GAS7: variants seen among roughly 807,000 people sequenced by gnomAD.
The protein encoded by GAS7 is growth arrest-specific protein 7.
In GAS7, 28 loss-of-function variants were observed where a neutral mutation model predicts 71.1. The observed-to-expected ratio is 0.39, with a 90% CI of 0.29 to 0.54. GAS7 has a LOEUF of 0.54. Among genes scored for constraint, GAS7 ranks in the 20% least tolerant of loss-of-function variants. The pLI is 0.62. For synonymous variants in GAS7, 258 were observed against 245.8 expected (o/e 1.05, Z -0.46); for missense variants, 436 against 627.8 (o/e 0.69, Z 3.27).
At chr17:10,028,641 C>T (rs1310793272) in intron 1 of GAS7, among the ~76,000 whole-genome samples, 1 of 142,686 alleles carries the variant, frequency 7.0e-6, no homozygotes, top group Non-Finnish European at 1.5e-5. Context: ...GATACAAGAA[C>T]AAAAACTCAT....
intron 1 of GAS7, among the ~76,000 whole-genome samples, chr17:10,023,893 G>A (rs1321113738): frequency 6.6e-6 from 1 of 152,230 alleles, no homozygotes; most frequent in East Asian, 1.9e-4. Context: ...GGAGGCCAAG[G>A]TGGGTGGATT....
chr17:9,937,554 C>G (rs2068446158), intron 8 of GAS7, among the ~76,000 whole-genome samples: 1 of 152,228 alleles, frequency 6.6e-6, no homozygotes, highest in Non-Finnish European at 1.5e-5. Flanking sequence ...GGAAGGGACG[C>G]TGGTCTTGCT....
chr17:10,168,897 G>A (rs1225704990), intron 1 of GAS7, among the ~76,000 whole-genome samples: 3 of 148,750 alleles, frequency 2.0e-5, no homozygotes, highest in African/African-American at 7.5e-5. Context: ...TTGAACATGG[G>A]AGGCAGAGCT....
chr17:10,031,413 A>G (rs1006782826), intron 1 of GAS7, among the ~76,000 whole-genome samples: 1 of 152,236 alleles, frequency 6.6e-6, no homozygotes, highest in African/African-American at 2.4e-5. Flanking sequence ...CAAGCTGGAA[A>G]TATGGAGTCT....
chr17:10,122,787 C>A (rs1275508549), intron 1 of GAS7, among the ~76,000 whole-genome samples: 3 of 152,028 alleles, frequency 2.0e-5, no homozygotes, highest in Non-Finnish European at 2.9e-5. Context: ...GGCTGGGAGA[C>A]CCCATGTTTA....
At chr17:10,031,809 C>A (rs773926960) in intron 1 of GAS7, among the ~76,000 whole-genome samples, 1 of 152,222 alleles carries the variant, frequency 6.6e-6, no homozygotes, top group Admixed American at 6.5e-5. Flanking sequence ...CGGCGCCATA[C>A]GGCATGATGG....
chr17:9,976,914 G>A (rs186841548), intron 3 of GAS7, among the ~76,000 whole-genome samples: 12 of 152,298 alleles, frequency 7.9e-5, no homozygotes, highest in African/African-American at 2.9e-4. Flanking sequence ...AGCCACAGAT[G>A]CCTATTTGAA....
At chr17:10,107,339 A>G (rs1313911212) in intron 1 of GAS7, among the ~76,000 whole-genome samples, 2 of 131,010 alleles carry the variant, frequency 1.5e-5, no homozygotes, top group Non-Finnish European at 3.3e-5. Flanking sequence ...AAGAGGCCAA[A>G]GACGAGACAC....
intron 1 of GAS7, among the ~76,000 whole-genome samples, chr17:10,048,483 A>T (rs2073013798): frequency 6.6e-6 from 1 of 152,184 alleles, no homozygotes; most frequent in South Asian, 2.1e-4. Context: ...TGTTTTGCTC[A>T]CTGCTCTATC....
Position 9,925,597 on chromosome 17 carries a change from G to C in GAS7, c.1017C>G (p.Ala339=). 1 of 1,614,136 alleles carries C rather than the reference G, an allele frequency of 6.2e-7. No individual in the cohort carries two copies. The highest frequency in any genetic ancestry group is 1.1e-5 in the South Asian group (1 of 91,076). Reference sequence around the variant, plus strand: ...TCTGCCGCTCTGTGAGGGCTTTCCGGGCCTGGGGTCCAAGGACACGGAGAA... The same window carrying C: ...TCTGCCGCTCTGTGAGGGCTTTCCGCGCCTGGGGTCCAAGGACACGGAGAA... ...LASRYASVEK[A]RKALTERQRD... The change falls in exon 11 of 14, where the codon GCC becomes GCG. Residue 339 remains alanine (A), a splice_region_variant and synonymous_variant. Coordinates refer to ENST00000432992, the MANE Select transcript of GAS7 (RefSeq NM_201433.2).
rs541161419 is a variant in GAS7 at position 10,006,955 on chromosome 17, T to C, written c.304+12822A>G. 2.6e-5 allele frequency among the ~76,000 whole-genome samples: 4 copies of C among 152,334 alleles called. No individual in the cohort carries two copies. The East Asian group carries it at 5.8e-4, about 22-fold the overall frequency. ...ATAGCTCCACCATGAGATTCTACAATTGTTTATGATTATATAACCTTTAAC... is the reference window on the plus strand; with the variant it reads ...ATAGCTCCACCATGAGATTCTACAACTGTTTATGATTATATAACCTTTAAC... On this transcript the variant is annotated intron_variant, in intron 2 of 13. Transcript: ENST00000432992.
chr17:9,986,092 G>A (rs182643079), intron 2 of GAS7, among the ~76,000 whole-genome samples: 97 of 152,238 alleles, frequency 6.4e-4, no homozygotes, highest in African/African-American at 2.2e-3. Flanking sequence ...CGGCTGGTTC[G>A]CCCTCTCAAA....
chr17:9,956,695 G>A (rs893324384), intron 5 of GAS7, among the ~76,000 whole-genome samples: 1 of 152,188 alleles, frequency 6.6e-6, no homozygotes, highest in Admixed American at 6.5e-5. Context: ...GGGGAAAAAG[G>A]AGCGTCAGAA....
chr17:9,968,492 T>C (rs950592082), intron 4 of GAS7, among the ~76,000 whole-genome samples: 2 of 152,358 alleles, frequency 1.3e-5, no homozygotes, highest in Non-Finnish European at 2.9e-5. Flanking sequence ...CAAATTCTTT[T>C]CCAGAGTTAA....
intron 1 of GAS7, among the ~76,000 whole-genome samples, chr17:10,037,300 G>A (rs532483307): frequency 1.3e-5 from 2 of 152,348 alleles, no homozygotes; most frequent in South Asian, 4.1e-4. Flanking sequence ...AGCTTGGGCA[G>A]GGCTTGGATC....
rs1203480406 is a variant in GAS7, at chr17:9,910,848, T to C, written c.*6380A>G. On this transcript the variant is annotated 3_prime_UTR_variant, in exon 14 of 14. Transcript: ENST00000432992. The stretch of plus-strand genomic sequence containing the variant: ...TTTACTGATCTAGGCAGCCAGAGGG[T>C]GGAAGGATATACAATGTGGAGGAAA... The C allele has an allele frequency of 4.4e-6, 1 of 228,528 alleles. No individual in the cohort carries two copies. Among genetic ancestry groups the C allele is most frequent in the Non-Finnish European group, 8.7e-6 (1 of 115,022 alleles). 14.2% of individuals were successfully genotyped at this position (228,528 alleles called of 1,614,324 possible).
intron 9 of GAS7, among the ~76,000 whole-genome samples, chr17:9,932,289 G>A (rs1283409279): frequency 2.0e-5 from 3 of 151,546 alleles, no homozygotes; most frequent in Non-Finnish European, 4.4e-5. Flanking sequence ...CTGCCTCCAG[G>A]GTTCAAGAGA....
intron 1 of GAS7, among the ~76,000 whole-genome samples, chr17:10,108,701 T>G (rs1330279803): frequency 6.6e-6 from 1 of 152,186 alleles, no homozygotes; most frequent in Non-Finnish European, 1.5e-5. Flanking sequence ...CAACTGAGTT[T>G]CAACAAAAGC....
chr17:9,940,741 G>C (rs1182768900), intron 7 of GAS7, among the ~76,000 whole-genome samples: 1 of 152,218 alleles, frequency 6.6e-6, no homozygotes, highest in Admixed American at 6.5e-5. Flanking sequence ...CAGTGCCCAG[G>C]GCTGCAGGTA....
Sources: allele counts gnomAD v4.1 joint callset (sites outside exome capture counted in the v4.1 genomes callset), GRCh38; gene constraint gnomAD v4.1.1; transcripts MANE v1.5; gene names NCBI Gene and HGNC (gene_info 2026-07-23, HGNC 2026-07-21).